Variants in HNF1B observed in about 807,000 individuals in gnomAD.
HNF1B encodes HNF1 homeobox B.
A neutral mutation model predicts 61.7 loss-of-function variants in HNF1B; 8 were observed. That is an observed-to-expected ratio of 0.13 (90% confidence interval 0.08 to 0.23). The LOEUF (loss-of-function observed/expected upper bound fraction) is 0.23. HNF1B is among the 10% of genes least tolerant of loss of function. HNF1B has a pLI of 1.00. For missense variants in HNF1B, 562 were observed against 714.5 expected, an observed-to-expected ratio of 0.79 and a Z score of 2.43; for synonymous variants, 314 against 287.7, an observed-to-expected ratio of 1.09 and a Z score of -0.93.
At chr17:37,736,438 C>G (rs996090792) in intron 2 of HNF1B, among the ~76,000 whole-genome samples, 3 of 152,192 alleles carry the variant, frequency 2.0e-5, no homozygotes, top group Non-Finnish European at 4.4e-5. Flanking sequence ...GTACAGCCAC[C>G]TCCATTTTAC....
chr17:37,718,448 T>G (rs1420277961), intron 4 of HNF1B, among the ~76,000 whole-genome samples: 1 of 152,198 alleles, frequency 6.6e-6, no homozygotes. Flanking sequence ...TGAGAGTATG[T>G]TACACCCATC....
intron 4 of HNF1B, chr17:37,731,326 G>A: frequency 1.7e-6 from 1 of 596,840 alleles, no homozygotes; most frequent in Admixed American, 2.6e-5. Context: ...CAGCCACACA[G>A]GGAGAAGAAG....
At chr17:37,690,784 T>A (rs2032174327) in intron 8 of HNF1B, among the ~76,000 whole-genome samples, 2 of 152,178 alleles carry the variant, frequency 1.3e-5, no homozygotes, top group East Asian at 3.8e-4. Flanking sequence ...CACGTTGAAT[T>A]CAAGAGGCTT....
intron 8 of HNF1B, among the ~76,000 whole-genome samples, chr17:37,694,194 G>T (rs1256388024): frequency 6.6e-6 from 1 of 152,156 alleles, no homozygotes; most frequent in Non-Finnish European, 1.5e-5. Flanking sequence ...TTGGGAGGCT[G>T]AGGCAGGTGG....
At position 37,705,067 on chromosome 17, in the gene HNF1B, A is replaced by C. The variant is rs199849203; in HGVS notation, c.1207-18T>G. 5.0e-6 allele frequency: 8 copies of C among 1,610,876 alleles called. No individual in the cohort carries two copies. Among genetic ancestry groups the C allele is most frequent in the Non-Finnish European group, 6.8e-6 (8 of 1,178,070 alleles). ...ACTGAGATCTGATGGAGAGAAAAAA[A>C]CAAGAGAAACATGGGTGGACTTGGA... On this transcript the variant is annotated intron_variant, in intron 5 of 8. Coordinates refer to ENST00000617811, the MANE Select transcript of HNF1B (RefSeq NM_000458.4).
At chr17:37,711,262 G>C (rs564284945) in intron 4 of HNF1B, among the ~76,000 whole-genome samples, 8 of 152,334 alleles carry the variant, frequency 5.3e-5, no homozygotes, top group African/African-American at 1.7e-4. Context: ...AGCAGGACAG[G>C]GATGAAGCTG....
chr17:37,729,828 T>C (rs762711198), intron 4 of HNF1B: 1 of 152,266 alleles, frequency 6.6e-6, no homozygotes, highest in Non-Finnish European at 1.5e-5. Flanking sequence ...AGTTCCTTTC[T>C]TCAAATTCCC....
chr17:37,710,589 T>C lies in HNF1B; in HGVS notation c.1120A>G (p.Met374Val). The C allele has an allele frequency of 1.3e-6, 2 of 1,596,188 alleles. No homozygotes were observed. The highest frequency in any genetic ancestry group is 8.5e-7 in the Non-Finnish European group (1 of 1,173,596). Residue 374 changes from methionine to valine, a missense_variant, in exon 5 of 9, where the codon ATG (methionine) becomes GTG (valine). Met to Val is a conservative substitution (Grantham distance 21). Around this residue, in one of 6 missense-constraint regions of HNF1B, gnomAD observed 211 missense variants for 200.7 expected, o/e 1.05. Transcript: ENST00000617811. Reference protein sequence around the residue: ...STISHHGNSAMVTSQSVLQQV... With the variant: ...STISHHGNSAVVTSQSVLQQV... ...TGTAAAACCGACTGGCTGGTCACCA[T>C]GGCGCTGTTGCCATGGTGACTGATT...
At chr17:37,737,912 G>T (rs200775221) in intron 2 of HNF1B, among the ~76,000 whole-genome samples, 2 of 152,186 alleles carry the variant, frequency 1.3e-5, no homozygotes, top group Non-Finnish European at 2.9e-5. Flanking sequence ...TGTTGTATTT[G>T]TAAAACGTCC....
intron 8 of HNF1B, among the ~76,000 whole-genome samples, chr17:37,691,536 G>T (rs542860008): frequency 6.6e-6 from 1 of 152,278 alleles, no homozygotes; most frequent in South Asian, 2.1e-4. Flanking sequence ...AGGGGTGCTA[G>T]CAGGGGAAGC....
At chr17:37,700,898 C>T (rs555096420) in intron 7 of HNF1B, 85 bp downstream of exon 7, 1,242 of 1,297,246 alleles carry the variant, frequency 9.6e-4, no homozygotes, top group Non-Finnish European at 1.3e-3. Context: ...AATAAACTTC[C>T]GAGAAAGTTC....
chr17:37,734,729 C>G (rs1262101509), intron 2 of HNF1B, among the ~76,000 whole-genome samples: 1 of 151,666 alleles, frequency 6.6e-6, no homozygotes, highest in African/African-American at 2.4e-5. Context: ...CTCTGCTGAG[C>G]AAAGACACGT....
chr17:37,718,488 T>C (rs2147499646), intron 4 of HNF1B, among the ~76,000 whole-genome samples: 1 of 152,226 alleles, frequency 6.6e-6, no homozygotes, highest in East Asian at 1.9e-4. Flanking sequence ...AGCACCCATT[T>C]GACAGAGTGG....
chr17:37,721,669 CCA>C (rs2033319610), intron 4 of HNF1B, among the ~76,000 whole-genome samples: 1 of 152,028 alleles, frequency 6.6e-6, no homozygotes, highest in South Asian at 2.1e-4. Flanking sequence ...CTCTCCTGCT[CCA>C]TCTGGCCTAG....
At chr17:37,706,224 GCTGGGAT>G in intron 5 of HNF1B, among the ~76,000 whole-genome samples, 1 of 152,146 alleles carries the variant, frequency 6.6e-6, no homozygotes, top group East Asian at 1.9e-4. Flanking sequence ...CTCCCAAAGT[GCTGGGAT>G]TACAGGTGTG....
In HNF1B at chr17:37,744,968, C is replaced by A; in HGVS notation, c.-84G>T. 1 of 1,205,188 alleles carries A rather than the reference C, an allele frequency of 8.3e-7. No homozygotes were observed. The highest frequency in any genetic ancestry group is 1.2e-6 in the Non-Finnish European group (1 of 839,176). 74.7% of individuals were successfully genotyped at this position (1,205,188 alleles called of 1,614,324 possible). A position where few individuals can be genotyped will look rare whatever the true frequency, so the allele number is the denominator to read the frequency against. ...GGAGGGGAGTTTCACAAGCAAACCC[C>A]AAATCCAGGAACCCCTCCACCCTTC... On this transcript the variant is annotated 5_prime_UTR_variant, in exon 1 of 9. Coordinates refer to ENST00000617811, the MANE Select transcript of HNF1B (RefSeq NM_000458.4).
In HNF1B at chr17:37,687,246, G is replaced by T; in HGVS notation, c.*126C>A. ...TGAGGTGCCAGCAGGACGTCCGTCA[G>T]GTAAGCAGGGACCTCTCGCAGGTGC... On this transcript the variant is annotated 3_prime_UTR_variant, in exon 9 of 9. Coordinates refer to ENST00000617811, the MANE Select transcript of HNF1B (RefSeq NM_000458.4). 6.6e-7 allele frequency: 1 copy of T among 1,512,302 alleles called. No individual in the cohort carries two copies. Among genetic ancestry groups the T allele is most frequent in the Non-Finnish European group, 9.1e-7 (1 of 1,092,990 alleles). The allele number at this position is 1,512,302 out of a possible 1,614,324, so 93.7% of individuals were successfully genotyped here.
intron 4 of HNF1B, among the ~76,000 whole-genome samples, chr17:37,720,440 G>A (rs1243887539): frequency 6.6e-6 from 1 of 151,984 alleles, no homozygotes; most frequent in Non-Finnish European, 1.5e-5. Context: ...GTATACTTAA[G>A]CAGTGTTAAT....
chr17:37,697,086 A>G (rs751780166), intron 8 of HNF1B, among the ~76,000 whole-genome samples: 2 of 152,216 alleles, frequency 1.3e-5, no homozygotes, highest in Non-Finnish European at 2.9e-5. Flanking sequence ...CAAAGACCAA[A>G]GCCTGAAGGT....
Sources: gnomAD v4.1 joint callset for allele counts (sites outside exome capture counted in the v4.1 genomes callset) on GRCh38, gnomAD v4.1.1 for gene constraint, gnomAD v4.1.1 regional missense constraint, MANE v1.5 for transcripts, NCBI Gene and HGNC (gene_info 2026-07-23, HGNC 2026-07-21) for gene names.